UVRAG: variants seen among roughly 807,000 people sequenced by gnomAD.
UVRAG encodes UV radiation resistance-associated gene protein.
Under a neutral mutation model 78.0 loss-of-function variants are expected in UVRAG, and 19 were observed. That is an observed-to-expected ratio of 0.24 (90% CI 0.17 to 0.36). The LOEUF (loss-of-function observed/expected upper bound fraction) is 0.36, where lower values mean the gene tolerates loss of function less well. UVRAG is among the 10% of genes least tolerant of loss of function. The pLI, the probability that UVRAG is intolerant of heterozygous loss-of-function variation, is 1.00. For missense variants in UVRAG, 740 were observed against 853.8 expected (o/e 0.87, Z 1.66); for synonymous variants, 323 against 324.6 (o/e 1.00, Z 0.05).
rs144122380 is a variant in UVRAG at position 76,052,930 on chromosome 11, T to C, written c.1227-12780T>C. ...TCATTTATATATAATAAATATACTT[T>C]GTTTATATTATAGAGTATCTATATA... On this transcript the variant is annotated intron_variant, in intron 12 of 14. Coordinates refer to ENST00000356136, the MANE Select transcript of UVRAG (RefSeq NM_003369.4). Among the ~76,000 whole-genome samples the C allele has an allele frequency of 9.3e-3, 1,399 of 150,222 alleles. 23 individuals carry two copies. The highest frequency in any genetic ancestry group is 0.032 in the African/African-American group (1,333 of 41,168).
chr11:75,877,177 G>T (rs1281393824), intron 3 of UVRAG, among the ~76,000 whole-genome samples: 1 of 151,990 alleles, frequency 6.6e-6, no homozygotes, highest in Non-Finnish European at 1.5e-5. Context: ...TAAGGTCACA[G>T]ATCAACAGGA....
intron 2 of UVRAG, among the ~76,000 whole-genome samples, chr11:75,854,369 A>G (rs1041713768): frequency 6.6e-6 from 1 of 152,218 alleles, no homozygotes; most frequent in Non-Finnish European, 1.5e-5. Context: ...CAATTTCATT[A>G]CATTCTATTG....
chr11:75,828,744 T>C (rs1186009401), intron 1 of UVRAG, among the ~76,000 whole-genome samples: 1 of 93,862 alleles, frequency 1.1e-5, no homozygotes, highest in African/African-American at 8.0e-5. Flanking sequence ...TATATATATA[T>C]ATACACACAC....
At chr11:75,963,251 A>C (rs1314962537) in intron 7 of UVRAG, among the ~76,000 whole-genome samples, 1 of 152,196 alleles carries the variant, frequency 6.6e-6, no homozygotes, top group East Asian at 1.9e-4. Context: ...GCATCTAGAA[A>C]AGTGTTTGCC....
chr11:75,946,481 T>C (rs1288314182), intron 6 of UVRAG, among the ~76,000 whole-genome samples: 1 of 152,184 alleles, frequency 6.6e-6, no homozygotes, highest in Non-Finnish European at 1.5e-5. Context: ...AATACCTGTT[T>C]TATTGTTTCT....
At chr11:75,871,266 T>C (rs1361623557) in intron 3 of UVRAG, among the ~76,000 whole-genome samples, 1 of 151,610 alleles carries the variant, frequency 6.6e-6, no homozygotes, top group African/African-American at 2.4e-5. Context: ...TTATGAACTT[T>C]TACATGGCAT....
chr11:76,021,963 A>G (rs1481372095), intron 12 of UVRAG, among the ~76,000 whole-genome samples: 1 of 152,218 alleles, frequency 6.6e-6, no homozygotes. Context: ...CTGAGGTGGG[A>G]TAATTGATTA....
intron 6 of UVRAG, among the ~76,000 whole-genome samples, chr11:75,957,588 G>A (rs1948826189): frequency 6.6e-6 from 1 of 151,942 alleles, no homozygotes; most frequent in Non-Finnish European, 1.5e-5. Context: ...AATCCTTTGG[G>A]ACCGTGATTA....
At chr11:76,065,815 C>T in intron 13 of UVRAG, 27 bp downstream of exon 13, 2 of 1,604,280 alleles carry the variant, frequency 1.2e-6, no homozygotes, top group South Asian at 1.1e-5. Flanking sequence ...CACTTCTCTC[C>T]TACTTCCCAT....
At chr11:75,902,913 T>C (rs1340098459) in intron 5 of UVRAG, among the ~76,000 whole-genome samples, 1 of 152,196 alleles carries the variant, frequency 6.6e-6, no homozygotes, top group Non-Finnish European at 1.5e-5. Context: ...AAAGGATGCT[T>C]TCGTTTTTTA....
intron 6 of UVRAG, among the ~76,000 whole-genome samples, chr11:75,920,055 T>C (rs1947946265): frequency 8.2e-6 from 1 of 121,218 alleles, no homozygotes; most frequent in Non-Finnish European, 1.6e-5. Flanking sequence ...GGACGAAGTC[T>C]CGCTCTGTTG....
chr11:75,872,216 A>T, intron 3 of UVRAG, among the ~76,000 whole-genome samples: 1 of 152,084 alleles, frequency 6.6e-6, no homozygotes, highest in Non-Finnish European at 1.5e-5. Flanking sequence ...CCTTTCTTAA[A>T]TAGGGGAAGA....
chr11:75,959,915 A>G (rs1351165263), intron 6 of UVRAG, among the ~76,000 whole-genome samples: 1 of 152,214 alleles, frequency 6.6e-6, no homozygotes, highest in East Asian at 1.9e-4. Flanking sequence ...GGAGAGGAAG[A>G]GAGACTGGGA....
At chr11:76,034,409 G>A (rs1225832756) in intron 12 of UVRAG, among the ~76,000 whole-genome samples, 1 of 152,018 alleles carries the variant, frequency 6.6e-6, no homozygotes, top group Non-Finnish European at 1.5e-5. Context: ...GTGTTGCCCG[G>A]GCTGGTCCTG....
chr11:76,040,597 C>G (rs1370263271), intron 12 of UVRAG, among the ~76,000 whole-genome samples: 1 of 151,666 alleles, frequency 6.6e-6, no homozygotes, highest in Admixed American at 6.6e-5. Context: ...TGCTCTGTTG[C>G]CAGGCTGGAG....
chr11:76,056,789 T>C (rs893867377), intron 12 of UVRAG, among the ~76,000 whole-genome samples: 1 of 152,170 alleles, frequency 6.6e-6, no homozygotes, highest in Non-Finnish European at 1.5e-5. Flanking sequence ...CTTTTTTGTG[T>C]GTGTAATGTT....
chr11:76,138,959 C>T (rs1952649443), intron 14 of UVRAG, among the ~76,000 whole-genome samples: 2 of 152,186 alleles, frequency 1.3e-5, no homozygotes, highest in Admixed American at 6.5e-5. Context: ...TGAATTTGGG[C>T]AACATATTAA....
intron 14 of UVRAG, 138 bp downstream of exon 14, chr11:76,116,153 C>A: frequency 1.2e-6 from 1 of 830,606 alleles, no homozygotes; most frequent in Admixed American, 2.6e-5. Context: ...TGAAAGGCGC[C>A]ATCACAGTTG....
chr11:75,815,484 C>A lies in UVRAG; in HGVS notation c.77C>A (p.Ser26Tyr). ...PGPAAALPPG[S>Y]AARALHVELP... ...CCGGCCGCTGCTCTGCCTCCCGGTTCTGCCGCGCGGGCCCTGCATGTGGAG... is the reference window on the plus strand; with the variant it reads ...CCGGCCGCTGCTCTGCCTCCCGGTTATGCCGCGCGGGCCCTGCATGTGGAG... The change falls in exon 1 of 15, where the codon TCT becomes TAT. Residue 26 changes from serine to tyrosine, a missense_variant. Transcript: ENST00000356136. The A allele has an allele frequency of 8.0e-7, 1 of 1,244,750 alleles. No homozygotes were observed. The highest frequency in any genetic ancestry group is 1.0e-6 in the Non-Finnish European group (1 of 994,172). The allele number at this position is 1,244,750 out of a possible 1,614,324, so 77.1% of individuals were successfully genotyped here. A position where few individuals can be genotyped will look rare whatever the true frequency, so the allele number is the denominator to read the frequency against.
Sources: allele counts gnomAD v4.1 joint callset (sites outside exome capture counted in the v4.1 genomes callset), GRCh38; gene constraint gnomAD v4.1.1; transcripts MANE v1.5; gene names NCBI Gene and HGNC (gene_info 2026-07-23, HGNC 2026-07-21).